ZFPM1: variants seen among roughly 807,000 people sequenced by gnomAD.
ZFPM1 encodes the protein zinc finger protein, FOG family member 1.
ZFPM1 carries 28 observed loss-of-function variants against 46.3 expected under a neutral mutation model. The ratio of observed to expected loss-of-function variants is 0.60; its 90% CI spans 0.45 to 0.83. The LOEUF (loss-of-function observed/expected upper bound fraction) is 0.83. Among genes scored for constraint, ZFPM1 ranks in the 40% least tolerant of loss-of-function variants. The pLI, the probability that ZFPM1 is intolerant of heterozygous loss-of-function variation, is 0.00. For missense variants in ZFPM1, 1,878 were observed against 1,432.4 expected, an observed-to-expected ratio of 1.31 and a Z score of -5.02; for synonymous variants, 957 against 675.9, an observed-to-expected ratio of 1.42 and a Z score of -6.45.
At chr16:88,453,889 A>C (rs1462916968) in intron 1 of ZFPM1, among the ~76,000 whole-genome samples, 1 of 151,712 alleles carries the variant, frequency 6.6e-6, no homozygotes, top group African/African-American at 2.4e-5. Context: ...CGGGGGGTTC[A>C]GCCCAGGAGG....
At chr16:88,508,331 C>G (rs1597261107) in intron 3 of ZFPM1, among the ~76,000 whole-genome samples, 1 of 152,302 alleles carries the variant, frequency 6.6e-6, no homozygotes, top group East Asian at 1.9e-4. Context: ...GTTGGACCCC[C>G]AGCCTCGTCC....
rs1013579655 is a variant in ZFPM1, at chr16:88,534,217, C to T, written c.2259C>T (p.Gly753=). 2.0e-6 allele frequency: 2 copies of T among 982,210 alleles called. No individual in the cohort carries two copies. The highest frequency in any genetic ancestry group is 2.4e-6 in the Non-Finnish European group (2 of 829,816). The allele number at this position is 982,210 out of a possible 1,614,324, so 60.8% of individuals were successfully genotyped here. Residue 753 remains glycine (G), a synonymous_variant, in exon 10 of 10, where the codon GGC becomes GGT. Coordinates refer to ENST00000319555, the MANE Select transcript of ZFPM1 (RefSeq NM_153813.3). ...RRKLYELHAA[G]APPPPPPGHA... The stretch of plus-strand genomic sequence containing the variant: ...AGCTCTACGAGCTGCACGCGGCCGG[C>T]GCCCCGCCCCCCCCGCCGCCCGGCC...
At chr16:88,502,371 G>A (rs1182238340) in intron 3 of ZFPM1, among the ~76,000 whole-genome samples, 1 of 152,094 alleles carries the variant, frequency 6.6e-6, no homozygotes, top group African/African-American at 2.4e-5. Context: ...AGGGGCCCGG[G>A]CGCCGGGCAC....
chr16:88,477,096 C>T (rs1263612970), intron 1 of ZFPM1, among the ~76,000 whole-genome samples: 1 of 152,252 alleles, frequency 6.6e-6, no homozygotes, highest in Non-Finnish European at 1.5e-5. Context: ...TCTGCCAGCC[C>T]GGCTTCCCTG....
chr16:88,472,031 G>C (rs1165870841), intron 1 of ZFPM1, among the ~76,000 whole-genome samples: 2 of 152,234 alleles, frequency 1.3e-5, no homozygotes, highest in African/African-American at 4.8e-5. Context: ...GGCAGCGGAA[G>C]TCTGTTGGGG....
In ZFPM1 at chr16:88,514,465, G is replaced by A. The variant is rs1246802122; in HGVS notation, c.347G>A (p.Gly116Asp). Reference protein sequence around the residue: ...RLSLATGLSWGPFHGSVQTRA... With the variant: ...RLSLATGLSWDPFHGSVQTRA... ...AGCCTCGCCACGGGCCTGTCCTGGGGCCCGTTCCATGGGAGTGTCCAGACC... is the reference window on the plus strand; with the variant it reads ...AGCCTCGCCACGGGCCTGTCCTGGGACCCGTTCCATGGGAGTGTCCAGACC... Residue 116 changes from glycine to aspartate, a missense_variant, in exon 4 of 10, where the codon GGC (glycine) becomes GAC (aspartate). Coordinates refer to ENST00000319555, the MANE Select transcript of ZFPM1 (RefSeq NM_153813.3). 3 of 1,562,176 alleles carry A rather than the reference G, an allele frequency of 1.9e-6. No homozygotes were observed. The highest frequency in any genetic ancestry group is 2.6e-6 in the Non-Finnish European group (3 of 1,153,698).
chr16:88,452,894 T>C (rs1907338133), upstream of ZFPM1, among the ~76,000 whole-genome samples: 1 of 151,698 alleles, frequency 6.6e-6, no homozygotes, highest in African/African-American at 2.4e-5. Flanking sequence ...CAGCGCGGCC[T>C]GGGGACATGA....
At position 88,534,730 on chromosome 16, in the gene ZFPM1, GC is replaced by G; in HGVS notation, c.2776del (p.Gln926ArgfsTer80). On this transcript the variant is annotated frameshift_variant, in exon 10 of 10. Coordinates refer to ENST00000319555, the MANE Select transcript of ZFPM1 (RefSeq NM_153813.3). LOFTEE classifies it low-confidence loss of function (END_TRUNC). ...RGPRDGLGPE[P>X]QEPPPGPPPS... is the part of the protein sequence containing the mutation. ...GCCCCCGGGACGGCCTCGGCCCGGA[GC>G]CCCAGGAGCCGCCGCCCGGCCCGCC... 1.0e-6 allele frequency: 1 copy of G among 980,940 alleles called. No homozygotes were observed. The highest frequency in any genetic ancestry group is 1.2e-6 in the Non-Finnish European group (1 of 827,704). The allele number at this position is 980,940 out of a possible 1,614,324, so 60.8% of individuals were successfully genotyped here.
chr16:88,506,962 G>A (rs749617694), intron 3 of ZFPM1, among the ~76,000 whole-genome samples: 2 of 152,204 alleles, frequency 1.3e-5, no homozygotes, highest in East Asian at 1.9e-4. Flanking sequence ...CGGCTGTCCC[G>A]AGTGCCACAG....
chr16:88,488,048 C>T (rs1909333412), intron 2 of ZFPM1, among the ~76,000 whole-genome samples: 1 of 152,220 alleles, frequency 6.6e-6, no homozygotes, highest in Non-Finnish European at 1.5e-5. Context: ...CGTTACTGCA[C>T]ATGTGAGCTG....
chr16:88,459,568 C>A (rs1907711246), intron 1 of ZFPM1, among the ~76,000 whole-genome samples: 1 of 122,066 alleles, frequency 8.2e-6, no homozygotes, highest in Admixed American at 8.2e-5. Flanking sequence ...TTCATTCCCC[C>A]CTCCTCTTCT....
At chr16:88,495,849 A>G (rs1256794084) in intron 3 of ZFPM1, among the ~76,000 whole-genome samples, 4 of 152,112 alleles carry the variant, frequency 2.6e-5, no homozygotes, top group African/African-American at 4.8e-5. Context: ...TGGTAACCAA[A>G]TGTATGAAAC....
At chr16:88,459,446 C>T (rs557334245) in intron 1 of ZFPM1, among the ~76,000 whole-genome samples, 5 of 152,248 alleles carry the variant, frequency 3.3e-5, no homozygotes, top group South Asian at 4.1e-4. Context: ...ATAGTACCTG[C>T]CCCCTGAGCA....
intron 1 of ZFPM1, among the ~76,000 whole-genome samples, chr16:88,461,086 G>A (rs1373236023): frequency 3.9e-5 from 4 of 102,562 alleles, no homozygotes; most frequent in African/African-American, 8.8e-5. Flanking sequence ...AAGGTCTGGT[G>A]AGGACCAAGG....
rs1907463347 is a variant in ZFPM1, at chr16:88,454,802, GC to G, written c.40+1127del. On this transcript the variant is annotated intron_variant, in intron 1 of 9. Transcript: ENST00000319555. Reference sequence around the variant, plus strand: ...GGAGCCTGACGGGCAGGTCGTCTGAGCCCTGCCAGGAGGCCACGACGGAAAC... The same window carrying G: ...GGAGCCTGACGGGCAGGTCGTCTGAGCCTGCCAGGAGGCCACGACGGAAAC... Among the ~76,000 whole-genome samples, 4 of 152,350 alleles carry G rather than the reference GC, an allele frequency of 2.6e-5. No individual in the cohort carries two copies. The South Asian group carries it at 8.3e-4, about 32-fold the overall frequency.
chr16:88,494,838 T>TGGA (rs961236580), intron 3 of ZFPM1, among the ~76,000 whole-genome samples: 1 of 151,846 alleles, frequency 6.6e-6, no homozygotes, highest in African/African-American at 2.4e-5. Context: ...GGACCTCGGG[T>TGGA]GGAGGCCACC....
At chr16:88,486,614 G>A (rs1909240081) in intron 2 of ZFPM1, among the ~76,000 whole-genome samples, 1 of 151,560 alleles carries the variant, frequency 6.6e-6, no homozygotes, top group African/African-American at 2.4e-5. Context: ...CAGCAGATGG[G>A]TGCTGGGTGC....
rs1251585317 is a variant in ZFPM1, at chr16:88,534,306, C to T, written c.2348C>T (p.Pro783Leu). Residue 783 changes from proline (P) to leucine (L), a missense_variant, in exon 10 of 10, where the codon CCT (proline) becomes CTT (leucine). By Grantham distance (98) the Pro-to-Leu change is moderately conservative (BLOSUM62 -3). Transcript: ENST00000319555. The stretch of plus-strand genomic sequence containing the variant: ...AGCGGAAGCGGCCCCGGCCTCGCCC[C>T]TGCGCGCTCGCCCGGCCCCGCGGCC... The part of the protein sequence containing the change: ...SGSGSGPGLA[P>L]ARSPGPAADG... The T allele has an allele frequency of 1.1e-5, 14 of 1,301,090 alleles. No individual in the cohort carries two copies. The highest frequency in any genetic ancestry group is 1.3e-5 in the Non-Finnish European group (13 of 1,025,284). 80.6% of individuals were successfully genotyped at this position (1,301,090 alleles called of 1,614,324 possible). A position where few individuals can be genotyped will look rare whatever the true frequency, so the allele number is the denominator to read the frequency against.
In ZFPM1 at chr16:88,471,176, TC is replaced by T. The variant is rs1265089233; in HGVS notation, c.41-14761del. ...GACCAGACTTTTCCTCTCCACTTAC[TC>T]CGCCCTGACCGCGATGGGCACTGAG... On this transcript the variant is annotated intron_variant, in intron 1 of 9. Coordinates refer to ENST00000319555, the MANE Select transcript of ZFPM1 (RefSeq NM_153813.3). This position sits in a 1 kb window ranked among gnomAD's most constrained non-coding sequence, Gnocchi z 4.1. Among the ~76,000 whole-genome samples, 1 of 152,106 alleles carries T rather than the reference TC, an allele frequency of 6.6e-6. No homozygotes were observed. The highest frequency in any genetic ancestry group is 1.5e-5 in the Non-Finnish European group (1 of 68,010).
Sources: gnomAD v4.1 joint callset for allele counts (sites outside exome capture counted in the v4.1 genomes callset) on GRCh38, gnomAD v4.1.1 for gene constraint, Gnocchi (gnomAD v3.1) non-coding constraint, MANE v1.5 for transcripts, NCBI Gene and HGNC (gene_info 2026-07-23, HGNC 2026-07-21) for gene names.